TRPS1: variants seen among roughly 807,000 people sequenced by gnomAD.
TRPS1 encodes zinc finger transcription factor Trps1.
In TRPS1, 6 loss-of-function variants were observed where a neutral mutation model predicts 101.2. The ratio of observed to expected loss-of-function variants is 0.06; its 90% CI spans 0.03 to 0.12. The LOEUF (loss-of-function observed/expected upper bound fraction) is 0.12, where lower values mean the gene tolerates loss of function less well. Ranked by LOEUF, TRPS1 falls within the 10% of genes least tolerant of loss-of-function variation. The pLI is 1.00. For synonymous variants in TRPS1, 578 were observed against 589.8 expected, an observed-to-expected ratio of 0.98 and a Z score of 0.29; for missense variants, 1,363 against 1,567.0, an observed-to-expected ratio of 0.87 and a Z score of 2.20.
At chr8:115,549,618 TCAGA>T (rs1233780037) in intron 5 of TRPS1, among the ~76,000 whole-genome samples, 1 of 149,934 alleles carries the variant, frequency 6.7e-6, no homozygotes, top group Non-Finnish European at 1.5e-5. Context: ...TTGCAGCTAC[TCAGA>T]CAGACTTAGG....
intron 5 of TRPS1, among the ~76,000 whole-genome samples, chr8:115,555,483 T>G: frequency 6.6e-6 from 1 of 152,134 alleles, no homozygotes; most frequent in East Asian, 1.9e-4. Context: ...TTTCTATGGA[T>G]TTTAGAAAAC....
chr8:115,500,866 C>A (rs1815300256), intron 5 of TRPS1, among the ~76,000 whole-genome samples: 1 of 152,204 alleles, frequency 6.6e-6, no homozygotes, highest in Admixed American at 6.5e-5. Context: ...AGCCACCGCG[C>A]CCGACCTGAA....
chr8:115,585,437 A>G (rs1817541387), intron 5 of TRPS1, among the ~76,000 whole-genome samples: 1 of 152,160 alleles, frequency 6.6e-6, no homozygotes, highest in African/African-American at 2.4e-5. Context: ...GGATGAAACC[A>G]ATTTTAAGTA....
intron 3 of TRPS1, among the ~76,000 whole-genome samples, chr8:115,605,568 C>T (rs574765951): frequency 1.3e-4 from 19 of 151,994 alleles, no homozygotes; most frequent in Non-Finnish European, 2.5e-4. Context: ...ATAATTAAAG[C>T]ACAGTGAAAC....
At chr8:115,592,150 A>T (rs1341505160) in intron 4 of TRPS1, among the ~76,000 whole-genome samples, 1 of 152,192 alleles carries the variant, frequency 6.6e-6, no homozygotes, top group African/African-American at 2.4e-5. Context: ...CAGCATTGCA[A>T]CCCAAAGAGT....
chr8:115,621,371 C>G (rs1818388773), intron 2 of TRPS1, among the ~76,000 whole-genome samples: 1 of 152,104 alleles, frequency 6.6e-6, no homozygotes, highest in Non-Finnish European at 1.5e-5. Flanking sequence ...CCGCAATTAT[C>G]CAAAACATGC....
At chr8:115,574,677 G>A (rs1048263992) in intron 5 of TRPS1, among the ~76,000 whole-genome samples, 3 of 152,030 alleles carry the variant, frequency 2.0e-5, no homozygotes, top group Non-Finnish European at 2.9e-5. Context: ...TCAACTTCAT[G>A]TGCTCACCAA....
chr8:115,553,457 T>C (rs1816747846), intron 5 of TRPS1, among the ~76,000 whole-genome samples: 2 of 152,144 alleles, frequency 1.3e-5, no homozygotes, highest in South Asian at 4.1e-4. Context: ...AACACACTAA[T>C]ATACTAACAT....
intron 5 of TRPS1, among the ~76,000 whole-genome samples, chr8:115,519,542 TA>T (rs1240446047): frequency 2.0e-5 from 3 of 151,610 alleles, no homozygotes; most frequent in Non-Finnish European, 4.4e-5. Context: ...AGCGGAATTT[TA>T]AATTATATAT....
chr8:115,666,167 T>C (rs1811916344), intron 1 of TRPS1, among the ~76,000 whole-genome samples: 2 of 152,174 alleles, frequency 1.3e-5, no homozygotes. Flanking sequence ...TAGAGATGTT[T>C]TTATCCAAAG....
At chr8:115,482,561 A>AT (rs376682503) in intron 5 of TRPS1, among the ~76,000 whole-genome samples, 7 of 152,210 alleles carry the variant, frequency 4.6e-5, no homozygotes, top group African/African-American at 1.2e-4. Flanking sequence ...TTCTGTCCCA[A>AT]TACTTTCAAG....
At chr8:115,520,783 A>G (rs1815839778) in intron 5 of TRPS1, among the ~76,000 whole-genome samples, 1 of 151,872 alleles carries the variant, frequency 6.6e-6, no homozygotes, top group African/African-American at 2.4e-5. Context: ...TGATAACCTC[A>G]AAGGTTAATG....
At chr8:115,655,912 C>A (rs1010561007) in intron 1 of TRPS1, among the ~76,000 whole-genome samples, 1 of 152,040 alleles carries the variant, frequency 6.6e-6, no homozygotes, top group African/African-American at 2.4e-5. Flanking sequence ...TACATCGGAC[C>A]AAACATTTTG....
chr8:115,655,303 T>C (rs550048230), intron 1 of TRPS1, among the ~76,000 whole-genome samples: 1 of 152,320 alleles, frequency 6.6e-6, no homozygotes, highest in South Asian at 2.1e-4. Context: ...AAGTGTTTCC[T>C]TGGCCAAGGT....
intron 5 of TRPS1, among the ~76,000 whole-genome samples, chr8:115,483,190 G>A (rs1814797792): frequency 6.6e-6 from 1 of 152,124 alleles, no homozygotes; most frequent in African/African-American, 2.4e-5. Context: ...ACTTATTGGT[G>A]ATTAGAATGT....
intron 5 of TRPS1, among the ~76,000 whole-genome samples, chr8:115,522,988 G>C (rs1377143594): frequency 6.6e-6 from 1 of 151,954 alleles, no homozygotes; most frequent in Non-Finnish European, 1.5e-5. Flanking sequence ...TTGTCCTTCT[G>C]ATTAACAATT....
chr8:115,494,922 C>A (rs1815112036), intron 5 of TRPS1, among the ~76,000 whole-genome samples: 1 of 152,138 alleles, frequency 6.6e-6, no homozygotes, highest in South Asian at 2.1e-4. Flanking sequence ...TTTCATCCCA[C>A]TCGGAGTGGA....
intron 5 of TRPS1, among the ~76,000 whole-genome samples, chr8:115,570,221 C>T (rs1817168228): frequency 6.6e-6 from 1 of 151,902 alleles, no homozygotes; most frequent in African/African-American, 2.4e-5. Flanking sequence ...GTAAGTAACT[C>T]ACTAGATAAT....
At chr8:115,452,945 A>AT (rs1813914615) in intron 5 of TRPS1, among the ~76,000 whole-genome samples, 1 of 152,194 alleles carries the variant, frequency 6.6e-6, no homozygotes, top group Non-Finnish European at 1.5e-5. Context: ...CTAATATCAA[A>AT]CAGAGCAAAA....
Sources: allele counts gnomAD v4.1 joint callset (sites outside exome capture counted in the v4.1 genomes callset), GRCh38; gene constraint gnomAD v4.1.1; transcripts MANE v1.5; gene names NCBI Gene and HGNC (gene_info 2026-07-23, HGNC 2026-07-21).